The following PRIM2 variants were observed in gnomAD, a reference collection of about 807,000 sequenced individuals.
PRIM2 encodes DNA primase subunit 2.
A neutral mutation model predicts 67.3 loss-of-function variants in PRIM2; 39 were observed. The ratio of observed to expected loss-of-function variants is 0.58; its 90% CI spans 0.45 to 0.76. PRIM2 has a LOEUF of 0.76. Ranked by LOEUF, PRIM2 falls within the 30% of genes least tolerant of loss-of-function variation. The pLI is 0.00. For synonymous variants in PRIM2, 143 were observed against 198.7 expected (o/e 0.72, Z 2.36); for missense variants, 398 against 598.7 (o/e 0.66, Z 3.50).
intron 3 of PRIM2, among the ~76,000 whole-genome samples, chr6:57,322,458 G>C (rs2127271243): frequency 6.6e-6 from 1 of 152,156 alleles, no homozygotes; most frequent in East Asian, 1.9e-4. Context: ...ATTGAATCAT[G>C]GGGGTGGTTA....
intron 8 of PRIM2, among the ~76,000 whole-genome samples, chr6:57,515,617 T>C (rs1774470271): frequency 6.6e-6 from 1 of 152,230 alleles, no homozygotes; most frequent in African/African-American, 2.4e-5. Flanking sequence ...CAAACACTCC[T>C]TTAGAATATT....
chr6:57,340,204 C>G (rs1319096567), intron 5 of PRIM2, among the ~76,000 whole-genome samples: 1 of 152,164 alleles, frequency 6.6e-6, no homozygotes, highest in Non-Finnish European at 1.5e-5. Flanking sequence ...AATCAGGAAA[C>G]AACAGGTGCT....
intron 10 of PRIM2, among the ~76,000 whole-genome samples, chr6:57,552,468 A>G (rs1386903906): frequency 6.6e-6 from 1 of 152,020 alleles, no homozygotes; most frequent in East Asian, 1.9e-4. Context: ...GGATCTTGTG[A>G]TTTAGTCAAG....
At chr6:57,316,598 G>C (rs1453396171), upstream of PRIM2, among the ~76,000 whole-genome samples, 1 of 152,222 alleles carries the variant, frequency 6.6e-6, no homozygotes, top group Non-Finnish European at 1.5e-5. Context: ...CTAAAAACGT[G>C]AACATTTCAA....
intron 5 of PRIM2, among the ~76,000 whole-genome samples, chr6:57,343,814 GC>G (rs1034477810): frequency 2.0e-5 from 3 of 152,176 alleles, no homozygotes; most frequent in African/African-American, 7.2e-5. Flanking sequence ...ATTCAAAGGG[GC>G]TACTATAATA....
chr6:57,269,912 G>A, the PRIM2 span, among the ~76,000 whole-genome samples: 1 of 152,174 alleles, frequency 6.6e-6, no homozygotes, highest in Non-Finnish European at 1.5e-5. Context: ...GCTTGTTTTT[G>A]TGAGGTTTGT....
At chr6:57,547,886 G>A (rs1775321183) in intron 10 of PRIM2, among the ~76,000 whole-genome samples, 1 of 152,330 alleles carries the variant, frequency 6.6e-6, no homozygotes, top group South Asian at 2.1e-4. Flanking sequence ...TGGCTGGTGG[G>A]ATGTGAGTAT....
At chr6:57,269,292 C>A in the PRIM2 span, among the ~76,000 whole-genome samples, 3 of 151,566 alleles carry the variant, frequency 2.0e-5, no homozygotes, top group Non-Finnish European at 4.4e-5. Context: ...CTCTCCAGCA[C>A]CTGTTGTCTC....
chr6:57,277,751 C>T, the PRIM2 span, among the ~76,000 whole-genome samples: 46 of 151,486 alleles, frequency 3.0e-4, no homozygotes, highest in East Asian at 2.4e-3. Flanking sequence ...GAGGCCAAGG[C>T]GGGTGGATCA....
At chr6:57,641,797 G>T (rs1218444601) in intron 13 of PRIM2, among the ~76,000 whole-genome samples, 23 of 152,214 alleles carry the variant, frequency 1.5e-4, no homozygotes, top group Non-Finnish European at 2.6e-4. Context: ...GTGTAAATTA[G>T]TTCAACCATT....
the PRIM2 span, among the ~76,000 whole-genome samples, chr6:57,224,835 G>A: frequency 6.6e-6 from 1 of 152,156 alleles, no homozygotes; most frequent in Non-Finnish European, 1.5e-5. Flanking sequence ...GCATTATTTG[G>A]AGTTGAAGGC....
At chr6:57,465,287 G>T (rs1475657245) in intron 7 of PRIM2, among the ~76,000 whole-genome samples, 2 of 152,148 alleles carry the variant, frequency 1.3e-5, no homozygotes, top group Non-Finnish European at 2.9e-5. Flanking sequence ...ATGGGCGTAT[G>T]ATGCATTTGC....
chr6:57,348,747 CTTTT>C (rs67086940), intron 5 of PRIM2, among the ~76,000 whole-genome samples: 3 of 71,604 alleles, frequency 4.2e-5, no homozygotes, highest in Admixed American at 1.6e-4. Context: ...CCTTCCTGCC[CTTTT>C]TTTTTTTTTT....
intron 7 of PRIM2, among the ~76,000 whole-genome samples, chr6:57,452,546 G>A (rs34717143): frequency 1.2e-4 from 19 of 152,126 alleles, no homozygotes; most frequent in African/African-American, 3.9e-4. Flanking sequence ...GATGATGAGC[G>A]TTTTTTCATG....
At chr6:57,610,541 T>C (rs2127494107) in intron 12 of PRIM2, among the ~76,000 whole-genome samples, 1 of 152,018 alleles carries the variant, frequency 6.6e-6, no homozygotes, top group East Asian at 1.9e-4. Context: ...GAGCTTGGTA[T>C]CCAGCTTAAG....
chr6:57,303,433 A>G, the PRIM2 span, among the ~76,000 whole-genome samples: 1 of 152,172 alleles, frequency 6.6e-6, no homozygotes. Flanking sequence ...CCAAAATGCA[A>G]GAGAGAAAAT....
intron 7 of PRIM2, among the ~76,000 whole-genome samples, chr6:57,397,561 C>T (rs983952470): frequency 2.0e-5 from 3 of 151,974 alleles, no homozygotes; most frequent in African/African-American, 4.8e-5. Context: ...TTGAATATTT[C>T]CCCCTTCACT....
intron 5 of PRIM2, among the ~76,000 whole-genome samples, chr6:57,370,238 ATTTTT>A (rs996273395): frequency 6.6e-6 from 1 of 151,906 alleles, no homozygotes; most frequent in Admixed American, 6.6e-5. Flanking sequence ...GAGAATGAGT[ATTTTT>A]TTTAGGTATG....
chr6:57,240,099 T>TTTG, the PRIM2 span, among the ~76,000 whole-genome samples: 84 of 89,028 alleles, frequency 9.4e-4, 1 homozygote, highest in African/African-American at 3.9e-3. Flanking sequence ...CTGTTTTTTT[T>TTTG]TTTTTTTTTT....
Sources: gnomAD v4.1 joint callset for allele counts (sites outside exome capture counted in the v4.1 genomes callset) on GRCh38, gnomAD v4.1.1 for gene constraint, MANE v1.5 for transcripts, NCBI Gene and HGNC (gene_info 2026-07-23, HGNC 2026-07-21) for gene names.